The following PDE7B variants were observed in gnomAD, a reference collection of about 807,000 sequenced individuals.
PDE7B encodes the protein 3',5'-cyclic-AMP phosphodiesterase 7B.
A neutral mutation model predicts 56.2 loss-of-function variants in PDE7B; 29 were observed. That is an observed-to-expected ratio of 0.52 (90% CI 0.38 to 0.70). The LOEUF (loss-of-function observed/expected upper bound fraction) is 0.70. Among genes scored for constraint, PDE7B ranks in the 30% least tolerant of loss-of-function variants. The pLI is 0.00. For missense variants in PDE7B, 490 were observed against 565.0 expected (o/e 0.87, Z 1.35); for synonymous variants, 197 against 196.9 (o/e 1.00, Z 0.00).
In PDE7B at chr6:136,155,644, G is replaced by T; in HGVS notation, c.597G>T (p.Thr199=). The T allele has an allele frequency of 6.2e-7, 1 of 1,608,912 alleles. No homozygotes were observed. The highest frequency in any genetic ancestry group is 8.5e-7 in the Non-Finnish European group (1 of 1,176,674). ...TTTAACAGCTTGCCAGCTTCCTCAC[G>T]CCTCTGGACATCATGCTTGGACTGC... ...LKEPKLASFL[T]PLDIMLGLLA... is the part of the protein sequence containing the mutation. The change falls in exon 8 of 13, where the codon ACG becomes ACT. Residue 199 remains threonine, a synonymous_variant. Transcript: ENST00000308191.
Position 135,860,656 on chromosome 6 carries a change from G to T in PDE7B, c.21+8637G>T, listed in dbSNP as rs1775128172. On this transcript the variant is annotated intron_variant, in intron 1 of 12. Transcript: ENST00000308191. ...TGTTTCTAATATCTGCTTCTTGAGA[G>T]AATTCTTGAGAGAATGGAATGACTT... 2.0e-5 allele frequency among the ~76,000 whole-genome samples: 3 copies of T among 151,936 alleles called. No homozygotes were observed. In the South Asian group the frequency reaches 6.2e-4, roughly 32 times the overall value.
At chr6:135,979,291 G>T (rs1775250846) in intron 2 of PDE7B, among the ~76,000 whole-genome samples, 2 of 151,692 alleles carry the variant, frequency 1.3e-5, no homozygotes, top group East Asian at 1.9e-4. Flanking sequence ...GTATTTTATT[G>T]AGGATTTTTG....
At chr6:136,042,176 C>T (rs962035135) in intron 2 of PDE7B, among the ~76,000 whole-genome samples, 3 of 152,180 alleles carry the variant, frequency 2.0e-5, no homozygotes, top group Non-Finnish European at 2.9e-5. Flanking sequence ...GAAAGATCCC[C>T]AACTGTTATC....
At chr6:136,176,739 T>A (rs1160496681) in intron 9 of PDE7B, among the ~76,000 whole-genome samples, 1 of 152,134 alleles carries the variant, frequency 6.6e-6, no homozygotes, top group African/African-American at 2.4e-5. Context: ...TTGTACTAAT[T>A]TATACTCCCT....
chr6:135,977,152 G>C (rs186838002), intron 2 of PDE7B, among the ~76,000 whole-genome samples: 72 of 152,200 alleles, frequency 4.7e-4, no homozygotes, highest in African/African-American at 1.7e-3. Flanking sequence ...GGTCCAAAGA[G>C]GTAGAATCCT....
chr6:136,033,371 A>G (rs775613008), intron 2 of PDE7B, among the ~76,000 whole-genome samples: 1 of 152,206 alleles, frequency 6.6e-6, no homozygotes, highest in Non-Finnish European at 1.5e-5. Flanking sequence ...CTCTTAAAAC[A>G]TACAAAAATA....
At chr6:135,880,597 A>G (rs142757925) in intron 1 of PDE7B, among the ~76,000 whole-genome samples, 165 of 152,318 alleles carry the variant, frequency 1.1e-3, no homozygotes, top group Non-Finnish European at 2.0e-3. Flanking sequence ...AAGCAACACC[A>G]TGAATATAAA....
At chr6:135,965,928 C>T (rs1774989763) in intron 2 of PDE7B, among the ~76,000 whole-genome samples, 1 of 152,020 alleles carries the variant, frequency 6.6e-6, no homozygotes, top group African/African-American at 2.4e-5. Flanking sequence ...AATCTGACTT[C>T]CTTTTTAAAA....
At chr6:136,089,910 G>T (rs1317395424) in intron 2 of PDE7B, among the ~76,000 whole-genome samples, 1 of 151,950 alleles carries the variant, frequency 6.6e-6, no homozygotes, top group Admixed American at 6.6e-5. Context: ...TAGCTATTTT[G>T]TAGGAGCTAC....
chr6:135,980,738 C>T (rs1483243843), intron 2 of PDE7B, among the ~76,000 whole-genome samples: 8 of 146,378 alleles, frequency 5.5e-5, no homozygotes, highest in South Asian at 2.3e-4. Context: ...AATGAGATAC[C>T]ATCTCACACC....
chr6:135,869,713 T>G (rs1337501769), intron 1 of PDE7B, among the ~76,000 whole-genome samples: 1 of 152,158 alleles, frequency 6.6e-6, no homozygotes, highest in Non-Finnish European at 1.5e-5. Flanking sequence ...CTTGGCTCCA[T>G]AGCCAGAAGA....
rs550628626 is a variant in PDE7B, at chr6:135,871,790, C to T, written c.21+19771C>T. 2.6e-5 allele frequency among the ~76,000 whole-genome samples: 4 copies of T among 152,220 alleles called. No individual in the cohort carries two copies. The South Asian group carries it at 8.3e-4, about 32-fold the overall frequency. ...AGGTGTATACACACACACACACACACACACACATATAATATACACATTCAT... is the reference window on the plus strand; with the variant it reads ...AGGTGTATACACACACACACACACATACACACATATAATATACACATTCAT... On this transcript the variant is annotated intron_variant, in intron 1 of 12. Transcript: ENST00000308191.
intron 2 of PDE7B, among the ~76,000 whole-genome samples, chr6:136,088,329 T>C (rs544846047): frequency 4.6e-5 from 7 of 152,246 alleles, no homozygotes; most frequent in African/African-American, 1.7e-4. Flanking sequence ...CTGTGGGATA[T>C]CCCTTACGGA....
At position 136,147,399 on chromosome 6, in the gene PDE7B, T is replaced by C. The variant is rs150988448; in HGVS notation, c.215T>C (p.Leu72Pro). The change falls in exon 4 of 13, where the codon CTA becomes CCA. Residue 72 changes from leucine (L) to proline (P), a missense_variant. Coordinates refer to ENST00000308191, the MANE Select transcript of PDE7B (RefSeq NM_018945.4). ...EIGTKKKVKR[L>P]LSFQRYFHAS... ...GGCACCAAGAAAAAGGTGAAAAGAC[T>C]ATTAAGCTTTCAAAGATACTTCCAT... 64 of 1,612,974 alleles carry C rather than the reference T, an allele frequency of 4.0e-5. No individual in the cohort carries two copies. In the African/African-American group the frequency reaches 8.3e-4, roughly 21 times the overall value.
chr6:135,866,881 A>G (rs1214956030), intron 1 of PDE7B, among the ~76,000 whole-genome samples: 1 of 152,212 alleles, frequency 6.6e-6, no homozygotes, highest in Non-Finnish European at 1.5e-5. Context: ...ACCCTAGAGT[A>G]AGCTTAGCTA....
At chr6:136,114,594 A>C (rs1330046258) in intron 3 of PDE7B, among the ~76,000 whole-genome samples, 5 of 152,174 alleles carry the variant, frequency 3.3e-5, no homozygotes, top group Admixed American at 6.5e-5. Flanking sequence ...GTAACCTTAC[A>C]GATACCTTTT....
chr6:136,106,846 A>T (rs1199950643), intron 2 of PDE7B, among the ~76,000 whole-genome samples: 1 of 152,194 alleles, frequency 6.6e-6, no homozygotes, highest in Non-Finnish European at 1.5e-5. Context: ...CCCATATTAA[A>T]GTACATAAGT....
At chr6:136,102,757 G>A (rs1330158562) in intron 2 of PDE7B, among the ~76,000 whole-genome samples, 1 of 152,098 alleles carries the variant, frequency 6.6e-6, no homozygotes, top group Non-Finnish European at 1.5e-5. Flanking sequence ...TCAAAAATGA[G>A]GATAGCTCTT....
chr6:136,073,938 T>A (rs1482056013), intron 2 of PDE7B, among the ~76,000 whole-genome samples: 2 of 152,128 alleles, frequency 1.3e-5, no homozygotes, highest in East Asian at 1.9e-4. Context: ...AATAAAAAAA[T>A]TTAGTTCCCA....
Sources: gnomAD v4.1 joint callset for allele counts (sites outside exome capture counted in the v4.1 genomes callset) on GRCh38, gnomAD v4.1.1 for gene constraint, MANE v1.5 for transcripts, NCBI Gene and HGNC (gene_info 2026-07-23, HGNC 2026-07-21) for gene names.